The following TMEM114 variants were observed in gnomAD, a reference collection of about 807,000 sequenced individuals.
The protein encoded by TMEM114 is transmembrane protein 114.
In TMEM114, 6 loss-of-function variants were observed where a neutral mutation model predicts 6.2. The observed-to-expected ratio is 0.97, with a 90% CI of 0.53 to 1.91. The LOEUF is 1.91. TMEM114 is among the 40% of genes most tolerant of loss of function. TMEM114 has a pLI of 0.01. For synonymous variants in TMEM114, 104 were observed against 73.0 expected (o/e 1.42, Z -2.16); for missense variants, 218 against 158.3 (o/e 1.38, Z -2.02).
chr16:8,557,277 TG>T (rs1320688070), intron 2 of TMEM114, among the ~76,000 whole-genome samples: 11 of 152,084 alleles, frequency 7.2e-5, no homozygotes, highest in Non-Finnish European at 1.6e-4. Context: ...ACCTTGCCCA[TG>T]GGAGCACTAG....
intron 2 of TMEM114, among the ~76,000 whole-genome samples, chr16:8,554,010 C>A (rs572837641): frequency 2.0e-5 from 3 of 151,960 alleles, no homozygotes; most frequent in Non-Finnish European, 4.4e-5. Context: ...GCCTGAATAG[C>A]TGGGATTACA....
At chr16:8,544,920 T>TTC (rs144585319) in intron 2 of TMEM114, among the ~76,000 whole-genome samples, 1,670 of 147,900 alleles carry the variant, frequency 0.011, 24 homozygotes, top group African/African-American at 0.038. Flanking sequence ...CTCAACATCT[T>TTC]TCTCTCTCTC....
chr16:8,541,542 C>G (rs926826245), intron 2 of TMEM114, among the ~76,000 whole-genome samples: 3 of 152,018 alleles, frequency 2.0e-5, no homozygotes, highest in African/African-American at 7.3e-5. Context: ...TTTCTTGAAC[C>G]AATGCCTCAT....
downstream of TMEM114, among the ~76,000 whole-genome samples, chr16:8,534,548 T>A (rs1269716421): frequency 1.3e-5 from 2 of 152,114 alleles, no homozygotes; most frequent in East Asian, 3.9e-4. Flanking sequence ...CATCACTACT[T>A]TTCCTTTGGC....
chr16:8,541,651 T>A (rs1409232853), intron 2 of TMEM114, among the ~76,000 whole-genome samples: 1 of 152,214 alleles, frequency 6.6e-6, no homozygotes, highest in Non-Finnish European at 1.5e-5. Context: ...TGTTTTAAAA[T>A]ACAAATTAAA....
intron 2 of TMEM114, among the ~76,000 whole-genome samples, chr16:8,581,763 C>T (rs1047830911): frequency 6.6e-6 from 1 of 152,238 alleles, no homozygotes; most frequent in Non-Finnish European, 1.5e-5. Flanking sequence ...CAGAAGTGGA[C>T]TTACTTTAAA....
chr16:8,545,247 G>A (rs1328880467), intron 2 of TMEM114, among the ~76,000 whole-genome samples: 1 of 152,072 alleles, frequency 6.6e-6, no homozygotes, highest in Non-Finnish European at 1.5e-5. Flanking sequence ...AGACCAACCT[G>A]GGCAACATAG....
At chr16:8,560,431 C>G (rs1901162104) in intron 2 of TMEM114, among the ~76,000 whole-genome samples, 1 of 152,126 alleles carries the variant, frequency 6.6e-6, no homozygotes, top group South Asian at 2.1e-4. Flanking sequence ...GCCCTGGAAT[C>G]TCTAAAGTGC....
chr16:8,552,079 A>C (rs1900861869), intron 2 of TMEM114, among the ~76,000 whole-genome samples: 1 of 152,138 alleles, frequency 6.6e-6, no homozygotes. Context: ...GGGTGAAACA[A>C]GGACTATAAG....
chr16:8,554,959 A>G (rs1195615106), intron 2 of TMEM114, among the ~76,000 whole-genome samples: 1 of 152,190 alleles, frequency 6.6e-6, no homozygotes, highest in Non-Finnish European at 1.5e-5. Context: ...AGACCCCCAG[A>G]AGTAAACGTG....
chr16:8,566,887 C>A (rs909009796), downstream of TMEM114, among the ~76,000 whole-genome samples: 1 of 147,322 alleles, frequency 6.8e-6, no homozygotes, highest in Non-Finnish European at 1.5e-5. Context: ...CCTTTCATCC[C>A]ATCACCCTGG....
chr16:8,575,803 C>G (rs9788813), intron 2 of TMEM114, among the ~76,000 whole-genome samples: 95,647 of 152,014 alleles, frequency 0.63, 30,371 homozygotes, highest in East Asian at 0.74. Flanking sequence ...TGTTTCTCAG[C>G]TTGGTATTGG....
intron 2 of TMEM114, among the ~76,000 whole-genome samples, chr16:8,558,500 C>G (rs1049453696): frequency 1.3e-5 from 2 of 152,184 alleles, no homozygotes; most frequent in Non-Finnish European, 2.9e-5. Flanking sequence ...CACCCTAACC[C>G]AATGTAACTT....
downstream of TMEM114, among the ~76,000 whole-genome samples, chr16:8,533,564 T>A (rs147902655): frequency 1.3e-5 from 2 of 152,240 alleles, no homozygotes; most frequent in African/African-American, 4.8e-5. Flanking sequence ...GTAAATGGCA[T>A]GATCTGGTCC....
intron 2 of TMEM114, among the ~76,000 whole-genome samples, chr16:8,561,856 G>GTGAGGGAATGAGTGAATGAA (rs1901219817): frequency 3.7e-5 from 1 of 27,068 alleles, no homozygotes; most frequent in Non-Finnish European, 7.3e-5. Flanking sequence ...GAATGAATGA[G>GTGAGGGAATGAGTGAATGAA]TGAGTGAGGG....
intron 2 of TMEM114, among the ~76,000 whole-genome samples, chr16:8,556,817 A>T (rs532453234): frequency 1.3e-5 from 2 of 152,306 alleles, no homozygotes; most frequent in East Asian, 3.9e-4. Flanking sequence ...TGCACTTTAA[A>T]ATGATTGAAA....
At chr16:8,530,911 G>A in the TMEM114 span, among the ~76,000 whole-genome samples, 2 of 152,078 alleles carry the variant, frequency 1.3e-5, no homozygotes, top group Non-Finnish European at 2.9e-5. Flanking sequence ...TATAATCCCA[G>A]CTACTCAGTA....
chr16:8,552,655 G>C (rs1337111166), intron 2 of TMEM114, among the ~76,000 whole-genome samples: 2 of 150,384 alleles, frequency 1.3e-5, no homozygotes, highest in African/African-American at 4.9e-5. Context: ...GGTACTCTAT[G>C]TACTATTTTT....
At chr16:8,542,140 C>T (rs879871103) in intron 2 of TMEM114, among the ~76,000 whole-genome samples, 47 of 123,114 alleles carry the variant, frequency 3.8e-4, no homozygotes, top group Admixed American at 3.4e-3. Flanking sequence ...GAGGATGATT[C>T]GTGGGGGGGG....
Sources: allele counts gnomAD v4.1 joint callset (sites outside exome capture counted in the v4.1 genomes callset), GRCh38; gene constraint gnomAD v4.1.1; transcripts MANE v1.5; gene names NCBI Gene and HGNC (gene_info 2026-07-23, HGNC 2026-07-21).